The following FAM149B1 variants were observed in gnomAD, a reference collection of about 807,000 sequenced individuals.
The protein encoded by FAM149B1 is family with sequence similarity 149 member B1.
Under a neutral mutation model 75.3 loss-of-function variants are expected in FAM149B1, and 56 were observed. The ratio of observed to expected loss-of-function variants is 0.74; its 90% CI spans 0.60 to 0.93. The LOEUF (loss-of-function observed/expected upper bound fraction) is 0.93. Among genes scored for constraint, FAM149B1 ranks in the 40% least tolerant of loss-of-function variants. The pLI is 0.00. For synonymous variants in FAM149B1, 259 were observed against 256.1 expected (o/e 1.01, Z -0.11); for missense variants, 639 against 708.4 (o/e 0.90, Z 1.11).
chr10:73,230,375 G>T (rs747590949), intron 8 of FAM149B1, 47 bp from the exon 9 acceptor site: 8 of 1,013,926 alleles, frequency 7.9e-6, no homozygotes, highest in South Asian at 2.7e-5. Flanking sequence ...AACCAAACAG[G>T]TATCTTCTCC....
chr10:73,242,427 G>A lies in FAM149B1; in HGVS notation c.*1408G>A, dbSNP rs1433366290. The stretch of plus-strand genomic sequence containing the variant: ...CCTTTCAAAGTTAAAGAATCAGAAA[G>A]GGGCCTGTAAGAAGTCATTTAGCCC... On this transcript the variant is annotated 3_prime_UTR_variant, in exon 14 of 14. Transcript: ENST00000242505. 6.6e-6 allele frequency: 1 copy of A among 152,102 alleles called. No homozygotes were observed. Among genetic ancestry groups the A allele is most frequent in the Non-Finnish European group, 1.5e-5 (1 of 68,004 alleles). 9.4% of individuals were successfully genotyped at this position (152,102 alleles called of 1,614,324 possible).
chr10:73,229,729 CT>C (rs1177099631), intron 8 of FAM149B1, among the ~76,000 whole-genome samples: 2 of 152,188 alleles, frequency 1.3e-5, no homozygotes, highest in Non-Finnish European at 2.9e-5. Flanking sequence ...GTTAGACGTT[CT>C]GGTCGCTGAT....
In FAM149B1 at chr10:73,192,620, A is replaced by G. The variant is rs2042711559; in HGVS notation, c.347A>G (p.Tyr116Cys). Residue 116 changes from tyrosine to cysteine, a missense_variant, in exon 4 of 14, where the codon TAT (tyrosine) becomes TGT (cysteine). Transcript: ENST00000242505. Reference protein sequence around the residue: ...TMFTAIDELLYEQKLSVHTKS... With the variant: ...TMFTAIDELLCEQKLSVHTKS... ...TTCACAGCCATTGATGAACTCTTGTATGAGCAGAAGTTGAGTGTGCATACC... is the reference window on the plus strand; with the variant it reads ...TTCACAGCCATTGATGAACTCTTGTGTGAGCAGAAGTTGAGTGTGCATACC... The G allele has an allele frequency of 6.4e-7, 1 of 1,551,798 alleles. No individual in the cohort carries two copies. Among genetic ancestry groups the G allele is most frequent in the African/African-American group, 1.4e-5 (1 of 73,048 alleles).
chr10:73,172,340 A>C (rs1034101637), intron 1 of FAM149B1, among the ~76,000 whole-genome samples: 9 of 152,196 alleles, frequency 5.9e-5, no homozygotes, highest in African/African-American at 2.2e-4. Context: ...GAACAATGGT[A>C]CAATTCACTA....
At chr10:73,188,746 GA>G (rs2042597264) in intron 3 of FAM149B1, among the ~76,000 whole-genome samples, 1 of 126,420 alleles carries the variant, frequency 7.9e-6, no homozygotes, top group Admixed American at 8.8e-5. Context: ...AAAAAAAAAG[GA>G]AGGAAGGAGG....
At chr10:73,234,689 A>G (rs1292583156) in intron 10 of FAM149B1, 128 bp from the exon 11 acceptor site, 3 of 985,448 alleles carry the variant, frequency 3.0e-6, no homozygotes, top group East Asian at 5.3e-5. Flanking sequence ...ACTTGAAAAC[A>G]TAGGTAGCCT....
rs2043270724 is a variant in FAM149B1, at chr10:73,215,242, A to AACTCCTC, written c.898+4807_898+4813dup. Among the ~76,000 whole-genome samples, 3 of 152,166 alleles carry AACTCCTC rather than the reference A, an allele frequency of 2.0e-5. No individual in the cohort carries two copies. The South Asian group carries it at 6.2e-4, about 32-fold the overall frequency. On this transcript the variant is annotated intron_variant, in intron 7 of 13. Coordinates refer to ENST00000242505, the MANE Select transcript of FAM149B1 (RefSeq NM_173348.2). The stretch of plus-strand genomic sequence containing the variant: ...TGTCATGTTGGCGAGGCTGGTCTTG[A>AACTCCTC]ACTCCTCACCTCAAGTGATCTGCCC...
intron 7 of FAM149B1, among the ~76,000 whole-genome samples, chr10:73,218,025 ATT>A (rs1564705704): frequency 1.3e-5 from 2 of 152,166 alleles, no homozygotes; most frequent in Non-Finnish European, 2.9e-5. Flanking sequence ...TCTATACACA[ATT>A]TCTCTCCATC....
chr10:73,205,204 A>G (rs1321732961), intron 5 of FAM149B1, among the ~76,000 whole-genome samples: 1 of 151,750 alleles, frequency 6.6e-6, no homozygotes, highest in Non-Finnish European at 1.5e-5. Context: ...TATAATCCCT[A>G]GTGCTGGAGG....
Position 73,242,902 on chromosome 10 carries a change from C to T in FAM149B1, c.*1883C>T, listed in dbSNP as rs2043969898. 1 of 154,240 alleles carries T rather than the reference C, an allele frequency of 6.5e-6. No individual in the cohort carries two copies. The allele number at this position is 154,240 out of a possible 1,614,324, so 9.6% of individuals were successfully genotyped here. A position where few individuals can be genotyped will look rare whatever the true frequency, so the allele number is the denominator to read the frequency against. ...TGCTTGAAGTAATTTAACACCTGTA[C>T]ATCAGTACAAAACCTGGCTGAGTAA... is the stretch of plus-strand genomic sequence containing the variant. On this transcript the variant is annotated 3_prime_UTR_variant, in exon 14 of 14. Transcript: ENST00000242505.
In FAM149B1 at chr10:73,221,743, C is replaced by T. The variant is rs188608705; in HGVS notation, c.899-6317C>T. Among the ~76,000 whole-genome samples, 22 of 152,180 alleles carry T rather than the reference C, an allele frequency of 1.4e-4. No individual in the cohort carries two copies. In the East Asian group the frequency reaches 3.7e-3, roughly 25 times the overall value. On this transcript the variant is annotated intron_variant, in intron 7 of 13. Transcript: ENST00000242505. ...ATTTTTTTTTCTGTCCCCCATCATC[C>T]GTCAGGACTTTGGTCACTCATAAAT... is the stretch of plus-strand genomic sequence containing the variant.
intron 1 of FAM149B1, among the ~76,000 whole-genome samples, chr10:73,170,932 C>T (rs773247189): frequency 6.6e-6 from 1 of 151,706 alleles, no homozygotes; most frequent in African/African-American, 2.4e-5. Context: ...CTTGTTGGGC[C>T]AGAATTATTA....
chr10:73,244,097 C>G lies in FAM149B1; in HGVS notation c.*3078C>G, dbSNP rs949481059. 2.7e-5 allele frequency: 16 copies of G among 601,994 alleles called. No homozygotes were observed. The highest frequency in any genetic ancestry group is 2.3e-4 in the Admixed American group (7 of 29,822). 37.3% of individuals were successfully genotyped at this position (601,994 alleles called of 1,614,324 possible). On this transcript the variant is annotated 3_prime_UTR_variant, in exon 14 of 14. Transcript: ENST00000242505. ...ATTCATTAAATGGCAACAATGCTGACAGCAAGCAGTAGATCCTCTGATTCC... is the reference window on the plus strand; with the variant it reads ...ATTCATTAAATGGCAACAATGCTGAGAGCAAGCAGTAGATCCTCTGATTCC...
Position 73,239,331 on chromosome 10 carries a change from G to T in FAM149B1, c.1622G>T (p.Arg541Leu). Residue 541 changes from arginine to leucine, a missense_variant, in exon 13 of 14, where the codon CGC (arginine) becomes CTC (leucine). Physicochemically the swap from Arg to Leu is moderately radical, Grantham distance 102. Coordinates refer to ENST00000242505, the MANE Select transcript of FAM149B1 (RefSeq NM_173348.2). ...QSFLLDTQYR[R>L]SCAVEYPHQA... Reference sequence around the variant, plus strand: ...TTGTAGCTGGATACACAGTATCGTCGCTCATGTGCAGTTGAGTATCCTCAT... The same window carrying T: ...TTGTAGCTGGATACACAGTATCGTCTCTCATGTGCAGTTGAGTATCCTCAT... 6.4e-7 allele frequency: 1 copy of T among 1,551,604 alleles called. No homozygotes were observed. The highest frequency in any genetic ancestry group is 8.7e-7 in the Non-Finnish European group (1 of 1,146,946).
chr10:73,208,827 T>G, intron 6 of FAM149B1, 41 bp downstream of exon 6: 3 of 1,306,500 alleles, frequency 2.3e-6, no homozygotes, highest in Non-Finnish European at 3.0e-6. Flanking sequence ...CCCCTCTTAT[T>G]TTGTGTATTA....
At chr10:73,210,068 A>G (rs1018498572) in intron 6 of FAM149B1, among the ~76,000 whole-genome samples, 183 bp from the exon 7 acceptor site, 1 of 152,092 alleles carries the variant, frequency 6.6e-6, no homozygotes, top group Non-Finnish European at 1.5e-5. Flanking sequence ...CTTCCCTTTC[A>G]CTTCTCCTGT....
At chr10:73,220,483 A>C (rs2133383165) in intron 7 of FAM149B1, among the ~76,000 whole-genome samples, 1 of 152,350 alleles carries the variant, frequency 6.6e-6, no homozygotes, top group South Asian at 2.1e-4. Context: ...TGCTCATAGC[A>C]GCATTATTCA....
At chr10:73,226,140 C>A (rs191812812) in intron 7 of FAM149B1, among the ~76,000 whole-genome samples, 6 of 150,656 alleles carry the variant, frequency 4.0e-5, no homozygotes, top group Non-Finnish European at 8.8e-5. Context: ...AGATTTGACC[C>A]ATGGGCTATA....
At chr10:73,216,331 A>T (rs990305715) in intron 7 of FAM149B1, among the ~76,000 whole-genome samples, 4 of 151,344 alleles carry the variant, frequency 2.6e-5, no homozygotes, top group African/African-American at 7.3e-5. Context: ...TAGTTGGATT[A>T]TTTTTTTTCA....
Sources: allele counts gnomAD v4.1 joint callset (sites outside exome capture counted in the v4.1 genomes callset), GRCh38; gene constraint gnomAD v4.1.1; transcripts MANE v1.5; gene names NCBI Gene and HGNC (gene_info 2026-07-23, HGNC 2026-07-21).